Variants in ZFHX3 observed in about 807,000 individuals in gnomAD.
ZFHX3 encodes zinc finger homeobox protein 3.
A neutral mutation model predicts 279.1 loss-of-function variants in ZFHX3; 42 were observed. The observed-to-expected ratio is 0.15, with a 90% CI of 0.12 to 0.19. The LOEUF (loss-of-function observed/expected upper bound fraction) is 0.19, where lower values mean the gene tolerates loss of function less well. Ranked by LOEUF, ZFHX3 falls within the 10% of genes least tolerant of loss-of-function variation. The probability of loss-of-function intolerance (pLI) is 1.00; values close to 1 mark genes in which losing one functional copy is unlikely to be tolerated. For synonymous variants in ZFHX3, 2,293 were observed against 1,957.8 expected (o/e 1.17, Z -4.52); for missense variants, 4,981 against 4,754.0 (o/e 1.05, Z -1.40).
At chr16:73,619,834 A>G (rs1259546011) in intron 2 of ZFHX3, among the ~76,000 whole-genome samples, 1 of 152,136 alleles carries the variant, frequency 6.6e-6, no homozygotes, top group African/African-American at 2.4e-5. Context: ...AACAGTCTCT[A>G]TCCCACGTCT....
At chr16:72,989,124 G>GATC (rs1326960785) in intron 1 of ZFHX3, among the ~76,000 whole-genome samples, 2 of 112,598 alleles carry the variant, frequency 1.8e-5, no homozygotes, top group Non-Finnish European at 3.7e-5. Context: ...GGTGAGCCAA[G>GATC]ATCACATCAC....
intron 2 of ZFHX3, among the ~76,000 whole-genome samples, chr16:73,537,496 C>G (rs971099817): frequency 2.0e-5 from 3 of 151,894 alleles, no homozygotes; most frequent in African/African-American, 7.2e-5. Flanking sequence ...GTTTGTATTT[C>G]TAGTAGAGAT....
At position 73,859,891 on chromosome 16, in the gene ZFHX3, G is replaced by A. The variant is rs191172589; in HGVS notation, c.-1608+31760C>T. Among the ~76,000 whole-genome samples the A allele has an allele frequency of 5.8e-4, 89 of 152,310 alleles. 1 individual carries two copies. The East Asian group carries it at 0.016, about 28-fold the overall frequency. The stretch of plus-strand genomic sequence containing the variant: ...GGAAATGAAGATAACATCCGACGAA[G>A]TAAAAGCATCCCACTGTCTGTCTTT... On this transcript the variant is annotated intron_variant, in intron 1 of 17. Coordinates refer to the ZFHX3 transcript ENST00000641206.
intron 3 of ZFHX3, among the ~76,000 whole-genome samples, chr16:73,390,847 A>T (rs2016997064): frequency 6.6e-6 from 1 of 152,098 alleles, no homozygotes; most frequent in Non-Finnish European, 1.5e-5. Context: ...AGGAGGTTTT[A>T]AAAAAAATCA....
chr16:73,339,332 T>C (rs989020725), intron 3 of ZFHX3, among the ~76,000 whole-genome samples: 4 of 152,216 alleles, frequency 2.6e-5, no homozygotes, highest in African/African-American at 9.6e-5. Flanking sequence ...TCTCCTCCAG[T>C]TGTGAGTGAA....
intron 1 of ZFHX3, among the ~76,000 whole-genome samples, chr16:73,838,762 CTGTGTGTGTGTG>C (rs34111835): frequency 2.7e-5 from 4 of 147,878 alleles, no homozygotes; most frequent in East Asian, 2.1e-4. Flanking sequence ...GTGTGTGTGT[CTGTGTGTGTGTG>C]TGTGTGTGTG....
At chr16:73,733,982 C>T (rs1488234320) in intron 1 of ZFHX3, among the ~76,000 whole-genome samples, 1 of 152,102 alleles carries the variant, frequency 6.6e-6, no homozygotes, top group Non-Finnish European at 1.5e-5. Flanking sequence ...ACAATTTTTC[C>T]ATGGATTGGG....
intron 4 of ZFHX3, among the ~76,000 whole-genome samples, chr16:72,878,561 CAG>C (rs940560119): frequency 6.6e-6 from 1 of 152,370 alleles, no homozygotes; most frequent in Non-Finnish European, 1.5e-5. Flanking sequence ...CTGGAGTGTG[CAG>C]AGTCACAGAT....
chr16:73,846,468 ACT>A (rs1310854647), intron 1 of ZFHX3, among the ~76,000 whole-genome samples: 6 of 151,960 alleles, frequency 3.9e-5, no homozygotes, highest in Non-Finnish European at 1.5e-5. Flanking sequence ...TCAAGCTGTG[ACT>A]CTGTTTAACC....
chr16:73,147,691 C>CA (rs56079754), intron 5 of ZFHX3, among the ~76,000 whole-genome samples: 5,988 of 40,894 alleles, frequency 0.15, 1,015 homozygotes, highest in African/African-American at 0.17. Flanking sequence ...GACTCCGTCT[C>CA]AAAAAAAAAA....
At chr16:73,847,862 C>T (rs1414819143) in intron 1 of ZFHX3, among the ~76,000 whole-genome samples, 2 of 149,992 alleles carry the variant, frequency 1.3e-5, no homozygotes, top group East Asian at 2.0e-4. Context: ...CTCAGCCTCC[C>T]GAGTAGCTGG....
Position 73,822,982 on chromosome 16 carries a change from C to T in ZFHX3, c.-1608+68669G>A, listed in dbSNP as rs141562550. Among the ~76,000 whole-genome samples the T allele has an allele frequency of 2.5e-3, 377 of 152,300 alleles. 14 individuals are homozygous for T. Among genetic ancestry groups the T allele is most frequent in the Admixed American group, 0.021 (324 of 15,286 alleles). ...AATTTTCAGTGAGCAACTTACCATA[C>T]GTCATGCACTGGGCTATATGCTAAG... On this transcript the variant is annotated intron_variant, in intron 1 of 17. Coordinates refer to the ZFHX3 transcript ENST00000641206.
intron 1 of ZFHX3, among the ~76,000 whole-genome samples, chr16:73,820,368 C>T (rs1017301709): frequency 1.3e-5 from 2 of 152,176 alleles, no homozygotes; most frequent in Admixed American, 6.5e-5. Context: ...CCACCACACC[C>T]GGCCTGGGAG....
chr16:73,092,254 T>C (rs1373759706), intron 8 of ZFHX3: 1 of 152,120 alleles, frequency 6.6e-6, no homozygotes, highest in Non-Finnish European at 1.5e-5. Context: ...ATATATATAT[T>C]TACACATGCA....
chr16:72,929,108 C>T (rs1334006661), intron 3 of ZFHX3, among the ~76,000 whole-genome samples: 1 of 151,118 alleles, frequency 6.6e-6, no homozygotes, highest in Non-Finnish European at 1.5e-5. Context: ...TGTGGTGGCA[C>T]ACACCTGTAA....
chr16:73,679,125 C>A (rs1040477975), intron 2 of ZFHX3, among the ~76,000 whole-genome samples: 1 of 112,362 alleles, frequency 8.9e-6, no homozygotes. Context: ...TCCAGAGGGG[C>A]TTATTTTTTT....
chr16:72,847,182 G>A (rs1286805998), intron 4 of ZFHX3, among the ~76,000 whole-genome samples: 3 of 152,292 alleles, frequency 2.0e-5, no homozygotes, highest in South Asian at 4.1e-4. Flanking sequence ...ATGTGACCTC[G>A]GCAGGGCTAT....
intron 3 of ZFHX3, among the ~76,000 whole-genome samples, chr16:72,939,355 G>T (rs1960296722): frequency 6.6e-6 from 1 of 152,160 alleles, no homozygotes; most frequent in African/African-American, 2.4e-5. Flanking sequence ...TCTGGAACAT[G>T]AAACATTCAA....
intron 3 of ZFHX3, among the ~76,000 whole-genome samples, chr16:72,904,727 G>A (rs919746164): frequency 6.6e-6 from 1 of 152,152 alleles, no homozygotes; most frequent in Admixed American, 6.5e-5. Flanking sequence ...CCTGCGCCTG[G>A]AAGGCTTTAT....
Sources: allele counts gnomAD v4.1 joint callset (sites outside exome capture counted in the v4.1 genomes callset), GRCh38; gene constraint gnomAD v4.1.1; transcripts MANE v1.5; gene names NCBI Gene and HGNC (gene_info 2026-07-23, HGNC 2026-07-21).